ENAH: variants seen among roughly 807,000 people sequenced by gnomAD.
ENAH encodes protein enabled homolog.
Under a neutral mutation model 78.7 loss-of-function variants are expected in ENAH, and 23 were observed. The observed-to-expected ratio is 0.29, with a 90% CI of 0.21 to 0.41. ENAH has a LOEUF of 0.41. ENAH is among the 10% of genes least tolerant of loss of function. The pLI, the probability that ENAH is intolerant of heterozygous loss-of-function variation, is 1.00. For missense variants in ENAH, 544 were observed against 691.0 expected, an observed-to-expected ratio of 0.79 and a Z score of 2.39; for synonymous variants, 226 against 241.0, an observed-to-expected ratio of 0.94 and a Z score of 0.58.
At chr1:225,534,854 T>C (rs960092954) in intron 3 of ENAH, among the ~76,000 whole-genome samples, 1 of 152,120 alleles carries the variant, frequency 6.6e-6, no homozygotes, top group African/African-American at 2.4e-5. Context: ...TATCTTATTC[T>C]CTCTAATTTG....
At chr1:225,564,759 C>T (rs2096726503) in intron 2 of ENAH, among the ~76,000 whole-genome samples, 4 of 152,002 alleles carry the variant, frequency 2.6e-5, no homozygotes, top group African/African-American at 9.7e-5. Flanking sequence ...AATGAAGCAG[C>T]TTTTGTATTA....
intron 11 of ENAH, among the ~76,000 whole-genome samples, chr1:225,504,562 C>G (rs1333206360): frequency 1.3e-5 from 2 of 152,066 alleles, no homozygotes; most frequent in Non-Finnish European, 2.9e-5. Context: ...TTAAACTGTC[C>G]AAGATAATTT....
At chr1:225,621,380 C>T (rs1426146342) in intron 1 of ENAH, among the ~76,000 whole-genome samples, 1 of 151,014 alleles carries the variant, frequency 6.6e-6, no homozygotes, top group Non-Finnish European at 1.5e-5. Flanking sequence ...GCAAGCTCCG[C>T]CTCCCGGGTT....
chr1:225,608,467 C>T (rs2096969130), intron 1 of ENAH, among the ~76,000 whole-genome samples: 1 of 150,536 alleles, frequency 6.6e-6, no homozygotes, highest in South Asian at 2.1e-4. Context: ...TTCAGAACAC[C>T]AGGAATAAGA....
intron 12 of ENAH, among the ~76,000 whole-genome samples, chr1:225,499,204 C>T (rs1001741784): frequency 6.6e-6 from 1 of 152,106 alleles, no homozygotes; most frequent in Non-Finnish European, 1.5e-5. Flanking sequence ...AATGCAGCTA[C>T]AGCCAGGCAC....
chr1:225,552,427 C>T (rs555056560), intron 3 of ENAH, among the ~76,000 whole-genome samples: 3 of 152,146 alleles, frequency 2.0e-5, no homozygotes, highest in Admixed American at 6.5e-5. Context: ...CGTGAGCCAC[C>T]GTGCCCGGCC....
At chr1:225,545,985 G>A (rs180885274) in intron 3 of ENAH, among the ~76,000 whole-genome samples, 5 of 143,990 alleles carry the variant, frequency 3.5e-5, no homozygotes, top group East Asian at 4.1e-4. Flanking sequence ...GTGCAGTGGC[G>A]TGATCATAGC....
chr1:225,560,546 C>T (rs1027503673), intron 2 of ENAH, among the ~76,000 whole-genome samples: 1 of 151,994 alleles, frequency 6.6e-6, no homozygotes, highest in East Asian at 1.9e-4. Flanking sequence ...AGTGGCTATT[C>T]ACAGGCACAA....
chr1:225,593,411 G>C (rs1269906282), intron 1 of ENAH, among the ~76,000 whole-genome samples: 2 of 123,768 alleles, frequency 1.6e-5, no homozygotes, highest in East Asian at 5.3e-4. Context: ...GGGGGGGGGG[G>C]GGGGGGTGGG....
intron 3 of ENAH, among the ~76,000 whole-genome samples, chr1:225,552,559 A>G (rs1385723692): frequency 6.6e-6 from 1 of 152,258 alleles, no homozygotes; most frequent in Non-Finnish European, 1.5e-5. Flanking sequence ...TAAGTAAATC[A>G]GACTATTTAG....
chr1:225,601,487 C>A (rs1472209110), intron 1 of ENAH, among the ~76,000 whole-genome samples: 2 of 147,558 alleles, frequency 1.4e-5, no homozygotes, highest in African/African-American at 2.5e-5. Context: ...CACTGCACGC[C>A]AGCCTGGGTG....
intron 1 of ENAH, among the ~76,000 whole-genome samples, chr1:225,583,950 C>G (rs915970581): frequency 1.1e-4 from 16 of 152,032 alleles, no homozygotes; most frequent in African/African-American, 3.9e-4. Context: ...GCCAGGGGTT[C>G]AAGACCAGCC....
At chr1:225,519,828 A>G (rs369310186) in intron 4 of ENAH, among the ~76,000 whole-genome samples, 1 of 152,220 alleles carries the variant, frequency 6.6e-6, no homozygotes, top group Admixed American at 6.5e-5. Flanking sequence ...TTTCATGAGT[A>G]GTGTTGCAAG....
intron 4 of ENAH, chr1:225,524,775 T>C (rs1359022571): frequency 3.9e-6 from 2 of 518,490 alleles, no homozygotes; most frequent in African/African-American, 4.2e-5. Flanking sequence ...ATATTAACTA[T>C]ATTAAGGTTC....
rs386369808 is a variant in ENAH, at chr1:225,492,856, T to TTATC, written c.*4915_*4918dup. The TTATC allele has an allele frequency of 1.3e-5, 2 of 151,704 alleles. No individual in the cohort carries two copies. The highest frequency in any genetic ancestry group is 2.9e-5 in the Non-Finnish European group (2 of 67,878). The allele number at this position is 151,704 out of a possible 1,614,324, so 9.4% of individuals were successfully genotyped here. On this transcript the variant is annotated 3_prime_UTR_variant, in exon 14 of 14. Transcript: ENST00000366843. ...CATCCTAAGTCATTATGACAGTCAT[T>TTATC]TATCCTTTTACAATGTTTCTGTTAC... is the stretch of plus-strand genomic sequence containing the variant.
intron 3 of ENAH, 31 bp downstream of exon 3, chr1:225,554,875 A>T (rs1425439851): frequency 1.4e-6 from 2 of 1,453,688 alleles, no homozygotes; most frequent in Non-Finnish European, 1.8e-6. Context: ...GGAAAAAGAA[A>T]GAAAATACAA....
chr1:225,622,382 G>A (rs1339972278), intron 1 of ENAH, among the ~76,000 whole-genome samples: 1 of 152,158 alleles, frequency 6.6e-6, no homozygotes, highest in Non-Finnish European at 1.5e-5. Flanking sequence ...GAGCGCAGGA[G>A]TTAGAGACCA....
At chr1:225,538,614 T>C (rs1007252696) in intron 3 of ENAH, among the ~76,000 whole-genome samples, 1 of 151,270 alleles carries the variant, frequency 6.6e-6, no homozygotes, top group Non-Finnish European at 1.5e-5. Context: ...ATTGGGTTTT[T>C]TTCCCATCCT....
chr1:225,597,980 T>C (rs1354350629), intron 1 of ENAH, among the ~76,000 whole-genome samples: 1 of 152,072 alleles, frequency 6.6e-6, no homozygotes, highest in Non-Finnish European at 1.5e-5. Flanking sequence ...TCCAGTTCTA[T>C]GCTTCTGTGT....
Sources: allele counts gnomAD v4.1 joint callset (sites outside exome capture counted in the v4.1 genomes callset), GRCh38; gene constraint gnomAD v4.1.1; transcripts MANE v1.5; gene names NCBI Gene and HGNC (gene_info 2026-07-23, HGNC 2026-07-21).